Variants in ABCG1 observed in about 807,000 individuals in gnomAD.
The protein encoded by ABCG1 is ATP binding cassette subfamily G member 1, also known as ATP-binding cassette sub-family G member 1.
Under a neutral mutation model 69.2 loss-of-function variants are expected in ABCG1, and 29 were observed. That is an observed-to-expected ratio of 0.42 (90% confidence interval 0.31 to 0.57). The LOEUF (loss-of-function observed/expected upper bound fraction) is 0.57, where lower values mean the gene tolerates loss of function less well. Among genes scored for constraint, ABCG1 ranks in the 20% least tolerant of loss-of-function variants. The pLI, the probability that ABCG1 is intolerant of heterozygous loss-of-function variation, is 0.15. For missense variants in ABCG1, 718 were observed against 898.1 expected (o/e 0.80, Z 2.56); for synonymous variants, 370 against 374.8 (o/e 0.99, Z 0.15).
rs764442866 is a variant in ABCG1 at position 42,288,285 on chromosome 21, G to T, written c.1197G>T (p.Arg399Ser). The change falls in exon 10 of 15, where the codon AGG becomes AGT. Residue 399 changes from arginine to serine, a missense_variant. Coordinates refer to ENST00000398449, the MANE Select transcript of ABCG1 (RefSeq NM_016818.3). This position sits in a 1 kb window ranked among gnomAD's most constrained non-coding sequence, Gnocchi z 4.8. ...CLTQFCILFK[R>S]TFLSIMRDSV... Reference sequence around the variant, plus strand: ...CGCAGTTCTGCATCCTCTTCAAGAGGACCTTCCTCAGCATCATGAGGGACT... The same window carrying T: ...CGCAGTTCTGCATCCTCTTCAAGAGTACCTTCCTCAGCATCATGAGGGACT... 2.5e-6 allele frequency: 4 copies of T among 1,612,648 alleles called. No individual in the cohort carries two copies.
intron 5 of ABCG1, among the ~76,000 whole-genome samples, chr21:42,277,861 T>A (rs1601432206): frequency 6.6e-6 from 1 of 152,208 alleles, no homozygotes; most frequent in African/African-American, 2.4e-5. Context: ...TTTCCGGCAT[T>A]TCCCCCTCTC....
intron 2 of ABCG1, among the ~76,000 whole-genome samples, chr21:42,247,273 T>C (rs2123628369): frequency 6.6e-6 from 1 of 152,358 alleles, no homozygotes; most frequent in South Asian, 2.1e-4. Flanking sequence ...AGATAGCATG[T>C]CCCTCAATGA....
chr21:42,205,929 T>C (rs2067539400), intron 2 of ABCG1, among the ~76,000 whole-genome samples: 1 of 152,252 alleles, frequency 6.6e-6, no homozygotes. Flanking sequence ...CAGGTAAATG[T>C]ATTTTTATTG....
upstream of ABCG1, among the ~76,000 whole-genome samples, chr21:42,217,115 G>A (rs767274936): frequency 4.5e-4 from 68 of 152,094 alleles, no homozygotes; most frequent in Admixed American, 6.5e-4. Flanking sequence ...TTCCAGTTCC[G>A]GACCAGCCAG....
intron 13 of ABCG1, among the ~76,000 whole-genome samples, chr21:42,293,080 A>ACACTACACACCT (rs1192316963): frequency 8.5e-4 from 22 of 25,980 alleles, no homozygotes; most frequent in Non-Finnish European, 1.0e-3. Context: ...CACACACACC[A>ACACTACACACCT]CACACACTAC....
At chr21:42,285,813 T>A in intron 7 of ABCG1, 67 bp from the exon 8 acceptor site, 1 of 1,060,274 alleles carries the variant, frequency 9.4e-7, no homozygotes, top group Non-Finnish European at 1.5e-6. Flanking sequence ...GATTGATTGA[T>A]TGAGGGCTCC....
chr21:42,268,435 C>T (rs2068557418), intron 2 of ABCG1, among the ~76,000 whole-genome samples: 1 of 151,794 alleles, frequency 6.6e-6, no homozygotes. Context: ...CACAGGAAGC[C>T]TCTGGCTGGT....
intron 6 of ABCG1, 138 bp from the exon 7 acceptor site, chr21:42,284,422 G>T: frequency 1.9e-6 from 2 of 1,063,196 alleles, no homozygotes; most frequent in South Asian, 3.2e-5. Context: ...AGCAGAGCCC[G>T]GCCTGGGACG....
At chr21:42,289,923 G>A in intron 10 of ABCG1, 127 bp from the exon 11 acceptor site, 1 of 1,020,668 alleles carries the variant, frequency 9.8e-7, no homozygotes, top group South Asian at 1.5e-5. Flanking sequence ...GGAGAAGACA[G>A]GATAAAGTCT....
At position 42,220,279 on chromosome 21, in the gene ABCG1, G is replaced by A. The variant is rs550256481; in HGVS notation, c.42+975G>A. On this transcript the variant is annotated intron_variant, in intron 1 of 14. Transcript: ENST00000398449. ...GTTACTACCCTGATATTACTTCCCCGAGGCTGTAAGCCCACAGTGCATGGC... is the reference window on the plus strand; with the variant it reads ...GTTACTACCCTGATATTACTTCCCCAAGGCTGTAAGCCCACAGTGCATGGC... Among the ~76,000 whole-genome samples the A allele has an allele frequency of 3.9e-5, 6 of 152,254 alleles. No individual in the cohort carries two copies. In the South Asian group the frequency reaches 8.3e-4, roughly 21 times the overall value.
intron 2 of ABCG1, among the ~76,000 whole-genome samples, chr21:42,258,016 C>T (rs2068335789): frequency 8.7e-6 from 1 of 115,304 alleles, no homozygotes; most frequent in Non-Finnish European, 1.9e-5. Flanking sequence ...TCCCCATCCA[C>T]TCCATCAGCC....
chr21:42,217,851 C>G (rs1016700332), upstream of ABCG1, among the ~76,000 whole-genome samples: 9 of 151,894 alleles, frequency 5.9e-5, no homozygotes, highest in African/African-American at 2.2e-4. Flanking sequence ...GCCACCACAC[C>G]TAGCTAATTT....
Position 42,288,217 on chromosome 21 carries a change from T to C in ABCG1, c.1129T>C (p.Ser377Pro). Reference sequence around the variant, plus strand: ...CTCTTGCGTGTGTCCTCAGGACTCCTCGTCCATGGAAGGCTGCCACAGCTT... The same window carrying C: ...CTCTTGCGTGTGTCCTCAGGACTCCCCGTCCATGGAAGGCTGCCACAGCTT... ...LWHRPSEEDSSSMEGCHSFSA... is the reference protein window; with the variant it reads ...LWHRPSEEDSPSMEGCHSFSA... The change falls in exon 10 of 15, where the codon TCG (serine) becomes CCG (proline). Residue 377 changes from serine to proline, a missense_variant. This residue lies in a region of ABCG1 where 514 missense variants were observed against 574.3 expected (regional missense o/e 0.90). Transcript: ENST00000398449. This position sits in a 1 kb window ranked among gnomAD's most constrained non-coding sequence, Gnocchi z 4.8. 1 of 1,614,134 alleles carries C rather than the reference T, an allele frequency of 6.2e-7. No individual in the cohort carries two copies. Among genetic ancestry groups the C allele is most frequent in the Non-Finnish European group, 8.5e-7 (1 of 1,179,972 alleles).
Position 42,296,437 on chromosome 21 carries a change from A to C in ABCG1, c.*45A>C. Reference sequence around the variant, plus strand: ...ACAGGAAGATTAGACACTGTGGCCGAGGGCACGTCTAGAATCGAGGAGGCA... The same window carrying C: ...ACAGGAAGATTAGACACTGTGGCCGCGGGCACGTCTAGAATCGAGGAGGCA... On this transcript the variant is annotated 3_prime_UTR_variant, in exon 15 of 15. Coordinates refer to ENST00000398449, the MANE Select transcript of ABCG1 (RefSeq NM_016818.3). This position sits in a 1 kb window ranked among gnomAD's most constrained non-coding sequence, Gnocchi z 5.4. 1 of 1,551,502 alleles carries C rather than the reference A, an allele frequency of 6.4e-7. No individual in the cohort carries two copies. The highest frequency in any genetic ancestry group is 1.1e-5 in the South Asian group (1 of 89,164).
chr21:42,268,768 A>C (rs1372358456), intron 2 of ABCG1, among the ~76,000 whole-genome samples: 1 of 152,118 alleles, frequency 6.6e-6, no homozygotes, highest in African/African-American at 2.4e-5. Context: ...GCTGGTTCTC[A>C]ATAGCAAGAC....
chr21:42,237,476 C>G (rs897246218), intron 2 of ABCG1, among the ~76,000 whole-genome samples: 1 of 152,218 alleles, frequency 6.6e-6, no homozygotes, highest in Non-Finnish European at 1.5e-5. Context: ...CTTGGTTACT[C>G]TTCGTACTCC....
Position 42,291,807 on chromosome 21 carries a change from C to G in ABCG1, c.1653+151C>G. The G allele has an allele frequency of 2.0e-6, 2 of 1,007,742 alleles. No homozygotes were observed. The highest frequency in any genetic ancestry group is 2.8e-6 in the Non-Finnish European group (2 of 714,922). The allele number at this position is 1,007,742 out of a possible 1,614,324, so 62.4% of individuals were successfully genotyped here. On this transcript the variant is annotated intron_variant, in intron 13 of 14. Transcript: ENST00000398449. This position sits in a 1 kb window ranked among gnomAD's most constrained non-coding sequence, Gnocchi z 6.4. ...TTCCCACGGGAAGGGCCCGCATTGT[C>G]GAGGGTCAGGATCAGCTGGCTTCCA... is the stretch of plus-strand genomic sequence containing the variant.
At position 42,221,860 on chromosome 21, in the gene ABCG1, C is replaced by T. The variant is rs2067732964; in HGVS notation, c.42+2556C>T. Among the ~76,000 whole-genome samples the T allele has an allele frequency of 1.3e-5, 2 of 152,198 alleles. 1 individual carries two copies. The highest frequency in any genetic ancestry group is 1.3e-4 in the Admixed American group (2 of 15,280). On this transcript the variant is annotated intron_variant, in intron 1 of 14. Transcript: ENST00000398449. ...GTGGAAATGGAGTGAATGCGGCTCA[C>T]CACGGCCTGTGGGTGGCTTACTGAC...
At position 42,231,747 on chromosome 21, in the gene ABCG1, C is replaced by T. The variant is rs534770591; in HGVS notation, c.286+5833C>T. 4.6e-5 allele frequency among the ~76,000 whole-genome samples: 7 copies of T among 152,306 alleles called. No homozygotes were observed. In the East Asian group the frequency reaches 9.6e-4, roughly 21 times the overall value. ...CTGTGGCTAGGGGTTTTGAGAGGGG[C>T]AGATGCTCAGGCTGAAGGGGGATGG... On this transcript the variant is annotated intron_variant, in intron 2 of 14. Transcript: ENST00000398449.
Sources: allele counts gnomAD v4.1 joint callset (sites outside exome capture counted in the v4.1 genomes callset), GRCh38; gene constraint gnomAD v4.1.1; regional missense constraint gnomAD v4.1.1; non-coding constraint Gnocchi (gnomAD v3.1); transcripts MANE v1.5; gene names NCBI Gene and HGNC (gene_info 2026-07-23, HGNC 2026-07-21).